Variants in TERF1 observed in about 807,000 individuals in gnomAD.
The protein encoded by TERF1 is telomeric repeat binding factor 1.
A neutral mutation model predicts 55.1 loss-of-function variants in TERF1; 20 were observed. The ratio of observed to expected loss-of-function variants is 0.36; its 90% confidence interval spans 0.26 to 0.53. The LOEUF (loss-of-function observed/expected upper bound fraction) is 0.53, where lower values mean the gene tolerates loss of function less well. Ranked by LOEUF, TERF1 falls within the 20% of genes least tolerant of loss-of-function variation. TERF1 has a pLI of 0.91. For missense variants in TERF1, 439 were observed against 535.7 expected, an observed-to-expected ratio of 0.82 and a Z score of 1.78; for synonymous variants, 168 against 181.2, an observed-to-expected ratio of 0.93 and a Z score of 0.59.
At chr8:73,043,446 G>A (rs1382524565) in intron 9 of TERF1, 6 of 152,058 alleles carry the variant, frequency 3.9e-5, no homozygotes, top group African/African-American at 1.4e-4. Flanking sequence ...TAGGTTAGGG[G>A]TGAGCAAAAT....
chr8:73,036,155 G>T (rs951516905), intron 8 of TERF1, among the ~76,000 whole-genome samples: 1 of 152,208 alleles, frequency 6.6e-6, no homozygotes, highest in Non-Finnish European at 1.5e-5. Flanking sequence ...CAAGGGCCCA[G>T]TGCTTTTTGA....
intron 9 of TERF1, chr8:73,043,166 C>A (rs1421914592): frequency 6.6e-6 from 1 of 152,110 alleles, no homozygotes; most frequent in Admixed American, 6.6e-5. Flanking sequence ...GCCACTTGAA[C>A]CTCTAAACTT....
chr8:73,027,668 T>C (rs1199413308), intron 6 of TERF1, among the ~76,000 whole-genome samples: 1 of 152,202 alleles, frequency 6.6e-6, no homozygotes, highest in Non-Finnish European at 1.5e-5. Context: ...AGATCTTCTT[T>C]TCTGTTGAAC....
At chr8:73,025,920 C>A (rs1166361950) in intron 5 of TERF1, among the ~76,000 whole-genome samples, 1 of 149,700 alleles carries the variant, frequency 6.7e-6, no homozygotes, top group East Asian at 2.0e-4. Context: ...TCTGGTCAGG[C>A]GCAGTGGCTC....
intron 5 of TERF1, among the ~76,000 whole-genome samples, chr8:73,026,462 T>A (rs989387063): frequency 6.6e-6 from 1 of 152,210 alleles, no homozygotes; most frequent in Non-Finnish European, 1.5e-5. Context: ...ATTGTGCCAC[T>A]GCACTCCAGC....
At chr8:73,025,278 A>T (rs192345987) in intron 5 of TERF1, among the ~76,000 whole-genome samples, 1 of 152,356 alleles carries the variant, frequency 6.6e-6, no homozygotes, top group East Asian at 1.9e-4. Flanking sequence ...AATTTTAAAG[A>T]CTTTTTAAAC....
intron 7 of TERF1, chr8:73,030,819 C>T (rs1017768472): frequency 6.5e-6 from 1 of 153,012 alleles, no homozygotes; most frequent in African/African-American, 2.4e-5. Context: ...ACAATACAAC[C>T]TGTCCCGAGG....
chr8:73,020,004 C>G (rs56383540), intron 2 of TERF1, among the ~76,000 whole-genome samples: 5,192 of 152,200 alleles, frequency 0.034, 190 homozygotes, highest in African/African-American at 0.096. Context: ...TTAGCATGTG[C>G]GTATCATAAG....
intron 3 of TERF1, among the ~76,000 whole-genome samples, chr8:73,021,892 A>G (rs537682390): frequency 6.6e-6 from 1 of 152,196 alleles, no homozygotes; most frequent in Admixed American, 6.5e-5. Context: ...CAAAATTAAT[A>G]TTTAGGTGGG....
chr8:73,040,969 C>T (rs55745426), intron 9 of TERF1, among the ~76,000 whole-genome samples: 3,859 of 152,194 alleles, frequency 0.025, 180 homozygotes, highest in African/African-American at 0.087. Context: ...GTTTTCATCT[C>T]TCCATTTACA....
chr8:73,020,373 A>T (rs1808698729), intron 2 of TERF1, among the ~76,000 whole-genome samples: 1 of 152,162 alleles, frequency 6.6e-6, no homozygotes, highest in African/African-American at 2.4e-5. Context: ...AATGCATTAG[A>T]CTTAGGAACC....
chr8:73,037,669 T>C (rs1333127329), intron 8 of TERF1, among the ~76,000 whole-genome samples: 4 of 15,962 alleles, frequency 2.5e-4, no homozygotes, highest in East Asian at 2.1e-3. Context: ...ATAATAATAT[T>C]ATATTATATA....
chr8:73,034,895 C>T (rs1563469648), intron 8 of TERF1, among the ~76,000 whole-genome samples: 1 of 152,000 alleles, frequency 6.6e-6, no homozygotes, highest in Non-Finnish European at 1.5e-5. Flanking sequence ...AATTTGAAAT[C>T]AGACAGTCTG....
In TERF1 at chr8:73,009,018, G is replaced by A. The variant is rs1362647747; in HGVS notation, c.132G>A (p.Leu44=). 2.5e-6 allele frequency: 4 copies of A among 1,611,494 alleles called. No homozygotes were observed. Among genetic ancestry groups the A allele is most frequent in the Non-Finnish European group, 3.4e-6 (4 of 1,179,234 alleles). ...NDEEQFECQE[L]LECQVQVGAP... ...AGGAGCAGTTCGAATGCCAGGAACT[G>A]CTCGAGTGCCAGGTGCAGGTGGGGG... Residue 44 remains leucine, a synonymous_variant, in exon 1 of 10, where the codon CTG becomes CTA. Transcript: ENST00000276603.
At chr8:73,031,346 AAAGTCTT>A (rs1421572235) in intron 7 of TERF1, 1 of 152,288 alleles carries the variant, frequency 6.6e-6, no homozygotes, top group Non-Finnish European at 1.5e-5. Context: ...AGGACAATAG[AAAGTCTT>A]AGGAAGGAGG....
chr8:73,035,547 T>C (rs1809475139), intron 8 of TERF1, among the ~76,000 whole-genome samples: 1 of 152,152 alleles, frequency 6.6e-6, no homozygotes, highest in Non-Finnish European at 1.5e-5. Context: ...GTCAATTAGG[T>C]CAAGTTTTTA....
chr8:73,009,350 T>A, intron 1 of TERF1, 145 bp downstream of exon 1: 1 of 734,058 alleles, frequency 1.4e-6, no homozygotes, highest in Non-Finnish European at 2.1e-6. Context: ...CGGGCTGAAC[T>A]TTGTTCGAAT....
intron 8 of TERF1, chr8:73,038,671 C>T (rs1204544272): frequency 1.6e-6 from 1 of 633,398 alleles, no homozygotes; most frequent in Non-Finnish European, 2.0e-6. Context: ...AAACAATTAT[C>T]ATTTTTCAGT....
Position 73,027,023 on chromosome 8 carries a change from A to G in TERF1, c.858A>G (p.Glu286=). ...DKPSGNDVEM[E]TEANLDTRKS... ...CTAGTGGTAATGATGTTGAAATGGAAACTGAAGCTAATTTGGATACAAGAA... is the reference window on the plus strand; with the variant it reads ...CTAGTGGTAATGATGTTGAAATGGAGACTGAAGCTAATTTGGATACAAGAA... The change falls in exon 6 of 10, where the codon GAA becomes GAG. Residue 286 remains glutamate (E), a synonymous_variant. Coordinates refer to ENST00000276603, the MANE Select transcript of TERF1 (RefSeq NM_017489.3). 6.2e-7 allele frequency: 1 copy of G among 1,612,372 alleles called. No individual in the cohort carries two copies. Among genetic ancestry groups the G allele is most frequent in the Non-Finnish European group, 8.5e-7 (1 of 1,179,470 alleles).
Sources: gnomAD v4.1 joint callset for allele counts (sites outside exome capture counted in the v4.1 genomes callset) on GRCh38, gnomAD v4.1.1 for gene constraint, MANE v1.5 for transcripts, NCBI Gene and HGNC (gene_info 2026-07-23, HGNC 2026-07-21) for gene names.